The following SCFD2 variants were observed in gnomAD, a reference collection of about 807,000 sequenced individuals.
SCFD2 encodes sec1 family domain containing 2, also known as sec1 family domain-containing protein 2.
In SCFD2, 54 loss-of-function variants were observed where a neutral mutation model predicts 58.9. The observed-to-expected ratio is 0.92, with a 90% confidence interval of 0.74 to 1.15. SCFD2 has a LOEUF of 1.15. SCFD2 is among the 50% of genes most tolerant of loss of function. SCFD2 has a pLI of 0.00. For missense variants in SCFD2, 805 were observed against 836.6 expected, an observed-to-expected ratio of 0.96 and a Z score of 0.47; for synonymous variants, 321 against 335.9, an observed-to-expected ratio of 0.96 and a Z score of 0.49.
chr4:53,140,061 A>G (rs1726081456), intron 5 of SCFD2, among the ~76,000 whole-genome samples: 1 of 151,968 alleles, frequency 6.6e-6, no homozygotes. Flanking sequence ...CAGGGACACA[A>G]ACACTGCGGA....
At chr4:53,364,697 C>A (rs1227871361) in intron 1 of SCFD2, among the ~76,000 whole-genome samples, 1 of 149,694 alleles carries the variant, frequency 6.7e-6, no homozygotes, top group African/African-American at 2.4e-5. Flanking sequence ...GTTTTCCTTC[C>A]GCTGGGTCAT....
At chr4:52,960,690 G>A (rs189419457) in intron 5 of SCFD2, among the ~76,000 whole-genome samples, 1 of 145,662 alleles carries the variant, frequency 6.9e-6, no homozygotes, top group East Asian at 2.1e-4. Context: ...TCTTTTCCAC[G>A]CACCTCATTT....
chr4:52,992,891 G>A (rs1249648554), intron 5 of SCFD2, among the ~76,000 whole-genome samples: 2 of 152,242 alleles, frequency 1.3e-5, no homozygotes, highest in African/African-American at 4.8e-5. Context: ...CCGTCTGGGA[G>A]GTGTACCCAA....
At chr4:52,943,906 G>T (rs1040678513) in intron 5 of SCFD2, among the ~76,000 whole-genome samples, 5 of 152,156 alleles carry the variant, frequency 3.3e-5, no homozygotes, top group Admixed American at 2.0e-4. Context: ...ACATGGTATA[G>T]CTTTATTTTT....
intron 4 of SCFD2, among the ~76,000 whole-genome samples, chr4:53,241,126 A>C (rs1263758416): frequency 6.6e-6 from 1 of 152,200 alleles, no homozygotes; most frequent in Admixed American, 6.5e-5. Flanking sequence ...GCAAGGAGCA[A>C]CCTGCTCTCA....
chr4:53,285,817 A>G (rs1165849665), intron 3 of SCFD2, among the ~76,000 whole-genome samples: 2 of 152,034 alleles, frequency 1.3e-5, no homozygotes, highest in Non-Finnish European at 2.9e-5. Flanking sequence ...GATATCTGCA[A>G]TCTTTGCTAC....
In SCFD2 at chr4:53,323,342, C is replaced by T. The variant is rs544392914; in HGVS notation, c.1008-9579G>A. 1.6e-4 allele frequency among the ~76,000 whole-genome samples: 24 copies of T among 152,206 alleles called. No individual in the cohort carries two copies. The South Asian group carries it at 4.4e-3, about 28-fold the overall frequency. ...ACAGAACAGTGTTGAAGTGTTACAA[C>T]TCTGAGGAGAGAAGAATATACAGTA... On this transcript the variant is annotated intron_variant, in intron 2 of 8. Transcript: ENST00000401642.
At chr4:53,000,017 G>A (rs1046590446) in intron 5 of SCFD2, among the ~76,000 whole-genome samples, 1 of 152,178 alleles carries the variant, frequency 6.6e-6, no homozygotes, top group Non-Finnish European at 1.5e-5. Flanking sequence ...CTCAGGGACT[G>A]TATTTTCTTA....
chr4:53,226,095 A>G (rs1729204970), intron 4 of SCFD2, among the ~76,000 whole-genome samples: 1 of 152,112 alleles, frequency 6.6e-6, no homozygotes, highest in Admixed American at 6.6e-5. Flanking sequence ...AGCCACTGCA[A>G]CCAGGCTGGT....
At chr4:53,051,346 G>A (rs1370575050) in intron 5 of SCFD2, among the ~76,000 whole-genome samples, 1 of 152,154 alleles carries the variant, frequency 6.6e-6, no homozygotes, top group Admixed American at 6.5e-5. Flanking sequence ...GTATGCAGAA[G>A]TGTATGCAGT....
chr4:53,027,302 T>C (rs1399463968), intron 5 of SCFD2, among the ~76,000 whole-genome samples: 1 of 152,032 alleles, frequency 6.6e-6, no homozygotes, highest in Non-Finnish European at 1.5e-5. Context: ...AGGAAAGAAC[T>C]GGTCCAGCTC....
At chr4:53,223,191 T>C (rs1285677529) in intron 4 of SCFD2, among the ~76,000 whole-genome samples, 1 of 152,238 alleles carries the variant, frequency 6.6e-6, no homozygotes, top group East Asian at 1.9e-4. Flanking sequence ...TCTTCTCTTT[T>C]TTTAGTTTGA....
intron 5 of SCFD2, among the ~76,000 whole-genome samples, chr4:52,951,877 A>G (rs1192897177): frequency 6.6e-6 from 1 of 152,194 alleles, no homozygotes; most frequent in Non-Finnish European, 1.5e-5. Flanking sequence ...AAGTCCTTGA[A>G]CTTTTTGGGT....
intron 5 of SCFD2, among the ~76,000 whole-genome samples, chr4:53,143,795 TAC>T (rs113492027): frequency 5.4e-4 from 79 of 146,634 alleles, no homozygotes; most frequent in African/African-American, 1.3e-3. Flanking sequence ...CACCTAAACA[TAC>T]ACACACACAC....
At chr4:52,903,939 C>T (rs1719284371) in intron 7 of SCFD2, among the ~76,000 whole-genome samples, 1 of 152,180 alleles carries the variant, frequency 6.6e-6, no homozygotes, top group Admixed American at 6.5e-5. Context: ...TGTATGAGTG[C>T]AGCTACAAAA....
At chr4:53,316,022 CTCTT>C (rs1732851487) in intron 2 of SCFD2, among the ~76,000 whole-genome samples, 3 of 152,186 alleles carry the variant, frequency 2.0e-5, no homozygotes, top group South Asian at 2.1e-4. Flanking sequence ...CAGAGGAACA[CTCTT>C]TCTACAAATC....
intron 4 of SCFD2, among the ~76,000 whole-genome samples, chr4:53,219,416 G>T (rs1728977243): frequency 2.0e-5 from 3 of 152,218 alleles, no homozygotes; most frequent in African/African-American, 7.2e-5. Flanking sequence ...AGGCTCCATG[G>T]GTGTGGGACC....
At chr4:52,968,584 C>A (rs1343371572) in intron 5 of SCFD2, among the ~76,000 whole-genome samples, 3 of 152,154 alleles carry the variant, frequency 2.0e-5, no homozygotes, top group Non-Finnish European at 4.4e-5. Flanking sequence ...TTCTTTACTG[C>A]AAGAAGGGAA....
In SCFD2 at chr4:53,061,147, T is replaced by A. The variant is rs555048758; in HGVS notation, c.1561+84186A>T. Among the ~76,000 whole-genome samples, 7 of 152,320 alleles carry A rather than the reference T, an allele frequency of 4.6e-5. No individual in the cohort carries two copies. In the East Asian group the frequency reaches 1.2e-3, roughly 25 times the overall value. Reference sequence around the variant, plus strand: ...TGACATCTCTTTAATTAAAATATGCTAAGAGCTTAAAAAACATCAGGTCTT... The same window carrying A: ...TGACATCTCTTTAATTAAAATATGCAAAGAGCTTAAAAAACATCAGGTCTT... On this transcript the variant is annotated intron_variant, in intron 5 of 8. Transcript: ENST00000401642.
Sources: allele counts gnomAD v4.1 joint callset (sites outside exome capture counted in the v4.1 genomes callset), GRCh38; gene constraint gnomAD v4.1.1; transcripts MANE v1.5; gene names NCBI Gene and HGNC (gene_info 2026-07-23, HGNC 2026-07-21).